Variants in VPS13B observed in about 807,000 individuals in gnomAD.
The protein encoded by VPS13B is vacuolar protein sorting 13 homolog B, also known as intermembrane lipid transfer protein VPS13B.
A neutral mutation model predicts 426.4 loss-of-function variants in VPS13B; 285 were observed. That is an observed-to-expected ratio of 0.67 (90% confidence interval 0.61 to 0.74). The LOEUF (loss-of-function observed/expected upper bound fraction) is 0.74, where lower values mean the gene tolerates loss of function less well. VPS13B is among the 30% of genes least tolerant of loss of function. The pLI is 0.00. For missense variants in VPS13B, 4,537 were observed against 4,782.6 expected, an observed-to-expected ratio of 0.95 and a Z score of 1.51; for synonymous variants, 1,676 against 1,676.4, an observed-to-expected ratio of 1.00 and a Z score of 0.01.
chr8:99,153,999 C>T (rs1390223099), intron 14 of VPS13B, among the ~76,000 whole-genome samples: 2 of 151,442 alleles, frequency 1.3e-5, no homozygotes, highest in South Asian at 2.1e-4. Flanking sequence ...CTTTGTTTTA[C>T]TCTCTTCTTG....
At chr8:99,476,594 CCTTA>C (rs1819702201) in intron 24 of VPS13B, among the ~76,000 whole-genome samples, 2 of 151,964 alleles carry the variant, frequency 1.3e-5, no homozygotes, top group Non-Finnish European at 2.9e-5. Context: ...ATGTATGATA[CCTTA>C]CGTTCAGGGG....
At chr8:99,193,421 CAT>C (rs1813714718) in intron 17 of VPS13B, among the ~76,000 whole-genome samples, 1 of 152,024 alleles carries the variant, frequency 6.6e-6, no homozygotes, top group African/African-American at 2.4e-5. Context: ...AATTCTTACT[CAT>C]AATATTTGGT....
At chr8:99,673,090 C>T (rs1025288811) in intron 35 of VPS13B, among the ~76,000 whole-genome samples, 1 of 151,904 alleles carries the variant, frequency 6.6e-6, no homozygotes, top group Non-Finnish European at 1.5e-5. Flanking sequence ...CTGAAGTTTT[C>T]TTTTTTTAGC....
At chr8:99,486,197 G>A (rs987893001) in intron 25 of VPS13B, among the ~76,000 whole-genome samples, 7 of 151,314 alleles carry the variant, frequency 4.6e-5, no homozygotes, top group African/African-American at 7.3e-5. Context: ...TATGCACGAC[G>A]TCCCACACAA....
At chr8:99,757,368 A>G (rs1233482197) in intron 39 of VPS13B, among the ~76,000 whole-genome samples, 1 of 150,556 alleles carries the variant, frequency 6.6e-6, no homozygotes, top group Non-Finnish European at 1.5e-5. Context: ...CTACCTACCA[A>G]CTCTTTATTA....
At chr8:99,595,168 T>C (rs538551658) in intron 33 of VPS13B, among the ~76,000 whole-genome samples, 2 of 152,058 alleles carry the variant, frequency 1.3e-5, no homozygotes, top group East Asian at 3.9e-4. Flanking sequence ...TTTTTTGAAC[T>C]ATTTGTTGGG....
chr8:99,089,578 G>T lies in VPS13B; in HGVS notation c.292-6734G>T, dbSNP rs371398770. 1.1e-4 allele frequency among the ~76,000 whole-genome samples: 17 copies of T among 152,322 alleles called. No individual in the cohort carries two copies. The East Asian group carries it at 2.9e-3, about 26-fold the overall frequency. On this transcript the variant is annotated intron_variant, in intron 3 of 61. Transcript: ENST00000357162. ...AGGTGGAATCAAAGATTTGCAGTTG[G>T]TTGAAAGAATTTATCTAAAGACCTG...
At chr8:99,577,076 A>G (rs1012834076) in intron 32 of VPS13B, among the ~76,000 whole-genome samples, 10 of 152,134 alleles carry the variant, frequency 6.6e-5, no homozygotes, top group Non-Finnish European at 1.3e-4. Flanking sequence ...TGTGATATTC[A>G]TAGGACTCTA....
At chr8:99,459,065 A>C (rs949594908) in intron 23 of VPS13B, among the ~76,000 whole-genome samples, 1 of 152,228 alleles carries the variant, frequency 6.6e-6, no homozygotes, top group Non-Finnish European at 1.5e-5. Context: ...CTAACATTTA[A>C]GTCCATTGTG....
At chr8:99,720,743 TA>T in intron 38 of VPS13B, 119 bp from the exon 39 acceptor site, 2 of 1,157,932 alleles carry the variant, frequency 1.7e-6, no homozygotes, top group Non-Finnish European at 1.2e-6. Context: ...AGAATATATA[TA>T]AAAATGACCA....
At chr8:99,134,003 A>G (rs1168447834) in intron 8 of VPS13B, among the ~76,000 whole-genome samples, 1 of 152,200 alleles carries the variant, frequency 6.6e-6, no homozygotes, top group Non-Finnish European at 1.5e-5. Context: ...TAAAAAGTGC[A>G]ATATCTGCGA....
intron 33 of VPS13B, among the ~76,000 whole-genome samples, chr8:99,640,792 T>TA (rs1215119916): frequency 1.1e-4 from 16 of 152,112 alleles, no homozygotes; most frequent in Admixed American, 5.9e-4. Flanking sequence ...ATTACAACCA[T>TA]AAAGGGATAC....
At chr8:99,486,233 T>A (rs184188553) in intron 25 of VPS13B, among the ~76,000 whole-genome samples, 1 of 152,026 alleles carries the variant, frequency 6.6e-6, no homozygotes, top group Admixed American at 6.6e-5. Flanking sequence ...TAGTTTCTCA[T>A]GTTTGTTTTG....
intron 40 of VPS13B, among the ~76,000 whole-genome samples, chr8:99,771,542 G>A (rs1233028338): frequency 6.6e-6 from 1 of 152,194 alleles, no homozygotes; most frequent in Non-Finnish European, 1.5e-5. Flanking sequence ...GTGATCCACA[G>A]CCTGTGTATA....
chr8:99,213,185 C>T (rs1815196547), intron 17 of VPS13B, among the ~76,000 whole-genome samples: 1 of 152,006 alleles, frequency 6.6e-6, no homozygotes, highest in Non-Finnish European at 1.5e-5. Flanking sequence ...ATTGTAGTTA[C>T]TTTTGTACTG....
chr8:99,420,978 T>C (rs1816337444), intron 21 of VPS13B, among the ~76,000 whole-genome samples: 1 of 152,214 alleles, frequency 6.6e-6, no homozygotes, highest in Non-Finnish European at 1.5e-5. Context: ...ATATTTATAG[T>C]ATTTTCATAA....
chr8:99,756,069 A>G (rs1810626301), intron 39 of VPS13B, among the ~76,000 whole-genome samples: 1 of 152,122 alleles, frequency 6.6e-6, no homozygotes, highest in African/African-American at 2.4e-5. Context: ...AAATGTATTC[A>G]AAGAACTAAA....
intron 19 of VPS13B, among the ~76,000 whole-genome samples, chr8:99,308,721 T>A (rs1820782834): frequency 6.6e-6 from 1 of 152,104 alleles, no homozygotes; most frequent in Non-Finnish European, 1.5e-5. Context: ...GGTCAAATGG[T>A]AATTTCTAGT....
At chr8:99,172,034 G>A (rs550832309) in intron 16 of VPS13B, among the ~76,000 whole-genome samples, 10 of 152,204 alleles carry the variant, frequency 6.6e-5, no homozygotes, top group South Asian at 2.1e-4. Flanking sequence ...TACAGTGGGC[G>A]AAGAATTTGG....
Sources: gnomAD v4.1 joint callset for allele counts (sites outside exome capture counted in the v4.1 genomes callset) on GRCh38, gnomAD v4.1.1 for gene constraint, MANE v1.5 for transcripts, NCBI Gene and HGNC (gene_info 2026-07-23, HGNC 2026-07-21) for gene names.